USP2: variants seen among roughly 807,000 people sequenced by gnomAD.
The protein encoded by USP2 is ubiquitin carboxyl-terminal hydrolase 2.
Under a neutral mutation model 72.0 loss-of-function variants are expected in USP2, and 33 were observed. The observed-to-expected ratio is 0.46, with a 90% CI of 0.35 to 0.61. The LOEUF is 0.61. Among genes scored for constraint, USP2 ranks in the 20% least tolerant of loss-of-function variants. The pLI is 0.01. For synonymous variants in USP2, 296 were observed against 312.5 expected (o/e 0.95, Z 0.56); for missense variants, 691 against 797.8 (o/e 0.87, Z 1.61).
chr11:119,381,369 G>A (rs1285480678), intron 1 of USP2, 104 bp downstream of exon 1: 1 of 1,239,436 alleles, frequency 8.1e-7, no homozygotes, highest in African/African-American at 1.5e-5. Flanking sequence ...TATATTTCTA[G>A]TGTCCACTCT....
In USP2 at chr11:119,368,577, C is replaced by G. The variant is rs540334066; in HGVS notation, c.774+4130G>C. Among the ~76,000 whole-genome samples, 185 of 152,352 alleles carry G rather than the reference C, an allele frequency of 1.2e-3. 1 individual carries two copies. Among genetic ancestry groups the G allele is most frequent in the South Asian group, 2.5e-3 (12 of 4,828 alleles). On this transcript the variant is annotated intron_variant, in intron 2 of 12. Transcript: ENST00000260187. ...ACTGAACAGCTGGAACCCAAGGCTT[C>G]GGAAGATGAGTCAGCAGCCCCAGTG...
intron 2 of USP2, among the ~76,000 whole-genome samples, chr11:119,360,869 T>TA (rs935893923): frequency 2.6e-4 from 39 of 152,378 alleles, no homozygotes; most frequent in Middle Eastern, 6.8e-3. Flanking sequence ...ATATATTTGG[T>TA]ACATATTGAC....
At position 119,373,129 on chromosome 11, in the gene USP2, T is replaced by G. The variant is rs1239716823; in HGVS notation, c.352A>C (p.Thr118Pro). 6.2e-7 allele frequency: 1 copy of G among 1,613,978 alleles called. No individual in the cohort carries two copies. Among genetic ancestry groups the G allele is most frequent in the African/African-American group, 1.3e-5 (1 of 74,912 alleles). Residue 118 changes from threonine (T) to proline (P), a missense_variant, in exon 2 of 13, where the codon ACC (threonine) becomes CCC (proline). Thr to Pro is a conservative substitution (Grantham distance 38, BLOSUM62 -1). Coordinates refer to ENST00000260187, the MANE Select transcript of USP2 (RefSeq NM_004205.5). The part of the protein sequence containing the change: ...SGGSGFPYGV[T>P]NNCLSYLPIN... ...GGCAGGTAGCTGAGGCAGTTGTTGG[T>G]CACTCCATAAGGGAATCCGCTGCCC...
At position 119,381,642 on chromosome 11, in the gene USP2, C is replaced by T. The variant is rs1334824432; in HGVS notation, c.-211G>A. On this transcript the variant is annotated 5_prime_UTR_variant, in exon 1 of 13. Coordinates refer to ENST00000260187, the MANE Select transcript of USP2 (RefSeq NM_004205.5). The stretch of plus-strand genomic sequence containing the variant: ...CCTCCGCCGGGGGCCCAGAAGGGAC[C>T]TCCCCGGGAAATCGGCGCCACCCAG... 5 of 1,302,234 alleles carry T rather than the reference C, an allele frequency of 3.8e-6. No homozygotes were observed. In the South Asian group the frequency reaches 3.9e-5, roughly 10 times the overall value. 80.7% of individuals were successfully genotyped at this position (1,302,234 alleles called of 1,614,324 possible).
In USP2 at chr11:119,359,620, C is replaced by G; in HGVS notation, c.866G>C (p.Arg289Pro). Reference sequence around the variant, plus strand: ...CTGGAGGCAGTAATCTCTCAACTCCCGAGTGTTGCTCAGGCACTGCAGAAT... The same window carrying G: ...CTGGAGGCAGTAATCTCTCAACTCCGGAGTGTTGCTCAGGCACTGCAGAAT... Reference protein sequence around the residue: ...NSILQCLSNTRELRDYCLQRL... With the variant: ...NSILQCLSNTPELRDYCLQRL... Residue 289 changes from arginine (R) to proline (P), a missense_variant, in exon 4 of 13, where the codon CGG (arginine) becomes CCG (proline). Physicochemically the swap from Arg to Pro is moderately radical, Grantham distance 103. Transcript: ENST00000260187. 6.2e-7 allele frequency: 1 copy of G among 1,613,916 alleles called. No individual in the cohort carries two copies. The highest frequency in any genetic ancestry group is 8.5e-7 in the Non-Finnish European group (1 of 1,180,022).
intron 2 of USP2, among the ~76,000 whole-genome samples, chr11:119,362,527 CAG>C (rs1195841817): frequency 6.6e-6 from 1 of 151,922 alleles, no homozygotes; most frequent in African/African-American, 2.4e-5. Flanking sequence ...GTGGGGGCGA[CAG>C]AGGAGGGGGA....
At position 119,356,850 on chromosome 11, in the gene USP2, C is replaced by G; in HGVS notation, c.1803G>C (p.Pro601=). The G allele has an allele frequency of 1.3e-6, 2 of 1,564,308 alleles. No individual in the cohort carries two copies. The highest frequency in any genetic ancestry group is 1.7e-6 in the Non-Finnish European group (2 of 1,154,670). The change falls in exon 13 of 13, where the codon CCG becomes CCC. Residue 601 remains proline, a synonymous_variant. Coordinates refer to ENST00000260187, the MANE Select transcript of USP2 (RefSeq NM_004205.5). ...GCTCCTGGCGCTACATTCGGGAGGG[C>G]GGGCTGGCCAGTTCGTAGAAGAGCA... ...AYLLFYELAS[P]PSRM is the part of the protein sequence containing the mutation.
At chr11:119,377,429 T>C (rs904859477) in intron 1 of USP2, among the ~76,000 whole-genome samples, 1 of 152,154 alleles carries the variant, frequency 6.6e-6, no homozygotes, top group East Asian at 1.9e-4. Flanking sequence ...CAGCATGCGG[T>C]GTACAGACTC....
At chr11:119,357,383 C>A (rs1950684407) in intron 11 of USP2, 76 bp from the exon 12 acceptor site, 2 of 1,465,688 alleles carry the variant, frequency 1.4e-6, no homozygotes. Flanking sequence ...CCTTCTGGGT[C>A]TCTCAGTAGC....
chr11:119,381,654 T>G lies in USP2; in HGVS notation c.-223A>C. 1 of 1,176,622 alleles carries G rather than the reference T, an allele frequency of 8.5e-7. No homozygotes were observed. Among genetic ancestry groups the G allele is most frequent in the Non-Finnish European group, 1.2e-6 (1 of 827,216 alleles). 72.9% of individuals were successfully genotyped at this position (1,176,622 alleles called of 1,614,324 possible). ...GCCCAGAAGGGACCTCCCCGGGAAA[T>G]CGGCGCCACCCAGCGGGCAGCCGCC... On this transcript the variant is annotated 5_prime_UTR_variant, in exon 1 of 13. Coordinates refer to ENST00000260187, the MANE Select transcript of USP2 (RefSeq NM_004205.5).
chr11:119,381,418 A>G lies in USP2; in HGVS notation c.-42+55T>C, dbSNP rs753036771. 13 of 1,525,358 alleles carry G rather than the reference A, an allele frequency of 8.5e-6. No individual in the cohort carries two copies. The East Asian group carries it at 2.9e-4, about 34-fold the overall frequency. 94.5% of individuals were successfully genotyped at this position (1,525,358 alleles called of 1,614,324 possible). A position where few individuals can be genotyped will look rare whatever the true frequency, so the allele number is the denominator to read the frequency against. ...TGGACACCTTACTTTCTGAGCTCCA[A>G]ACCGGCACTGATCCCCGAATCCCCC... On this transcript the variant is annotated intron_variant, in intron 1 of 12. Transcript: ENST00000260187.
At chr11:119,367,066 G>A (rs1163598465) in intron 2 of USP2, among the ~76,000 whole-genome samples, 6 of 152,216 alleles carry the variant, frequency 3.9e-5, no homozygotes, top group Non-Finnish European at 7.3e-5. Context: ...TCATCTCTCG[G>A]CCAGCCAGGT....
At chr11:119,358,638 T>C in intron 7 of USP2, 135 bp downstream of exon 7, 2 of 1,085,986 alleles carry the variant, frequency 1.8e-6, no homozygotes, top group Non-Finnish European at 2.8e-6. Flanking sequence ...TCTTTCTTGC[T>C]GTTCCTGCTT....
At chr11:119,378,331 G>C (rs191427598) in intron 1 of USP2, among the ~76,000 whole-genome samples, 1 of 151,480 alleles carries the variant, frequency 6.6e-6, no homozygotes, top group African/African-American at 2.4e-5. Context: ...GGGATGGGGG[G>C]GCGGGGGCAT....
At position 119,373,462 on chromosome 11, in the gene USP2, T is replaced by C; in HGVS notation, c.19A>G (p.Thr7Ala). The C allele has an allele frequency of 6.3e-7, 1 of 1,587,714 alleles. No individual in the cohort carries two copies. Among genetic ancestry groups the C allele is most frequent in the Non-Finnish European group, 8.5e-7 (1 of 1,173,060 alleles). MSQLSS[T>A]LKRYTESARY... Reference sequence around the variant, plus strand: ...GCCGATTCTGTGTAGCGCTTCAGGGTGGAGGAGAGCTGGGACATCCTTCAG... The same window carrying C: ...GCCGATTCTGTGTAGCGCTTCAGGGCGGAGGAGAGCTGGGACATCCTTCAG... Residue 7 changes from threonine to alanine, a missense_variant, in exon 2 of 13, where the codon ACC becomes GCC. Thr to Ala is a moderately conservative substitution (Grantham distance 58, BLOSUM62 0). Coordinates refer to ENST00000260187, the MANE Select transcript of USP2 (RefSeq NM_004205.5).
chr11:119,360,470 C>A (rs1289511317), intron 2 of USP2: 1 of 578,530 alleles, frequency 1.7e-6, no homozygotes, highest in Non-Finnish European at 3.2e-6. Context: ...GTCACCCAGG[C>A]TGGAGTGCAG....
At chr11:119,360,478 C>G (rs929726542) in intron 2 of USP2, 1 of 560,678 alleles carries the variant, frequency 1.8e-6, no homozygotes, top group Non-Finnish European at 3.3e-6. Flanking sequence ...GGCTGGAGTG[C>G]AGTGGTACGA....
In USP2 at chr11:119,359,072, C is replaced by T. The variant is rs776596263; in HGVS notation, c.1124G>A (p.Arg375Gln). The change falls in exon 6 of 13, where the codon CGA becomes CAA. Residue 375 changes from arginine (R) to glutamine (Q), a missense_variant. By Grantham distance (43) the Arg-to-Gln change is conservative. Transcript: ENST00000260187. ...GTTGGACTTAGGTCTCAGTGTCACT[C>T]GGTTCACCTCGTTATGGAGCCCATC... ...LLDGLHNEVN[R>Q]VTLRPKSNPE... is the part of the protein sequence containing the mutation. 39 of 1,613,968 alleles carry T rather than the reference C, an allele frequency of 2.4e-5. No homozygotes were observed. The highest frequency in any genetic ancestry group is 1.1e-4 in the African/African-American group (8 of 74,924).
intron 2 of USP2, among the ~76,000 whole-genome samples, chr11:119,365,733 T>C (rs1366456239): frequency 6.6e-6 from 1 of 152,196 alleles, no homozygotes; most frequent in East Asian, 1.9e-4. Context: ...CTTTGACCAC[T>C]GCTGTCAACC....
Sources: allele counts gnomAD v4.1 joint callset (sites outside exome capture counted in the v4.1 genomes callset), GRCh38; gene constraint gnomAD v4.1.1; transcripts MANE v1.5; gene names NCBI Gene and HGNC (gene_info 2026-07-23, HGNC 2026-07-21).